XAB2: variants seen among roughly 807,000 people sequenced by gnomAD.
XAB2 encodes XPA binding protein 2, also known as pre-mRNA-splicing factor SYF1.
XAB2 carries 57 observed loss-of-function variants against 113.4 expected under a neutral mutation model. That is an observed-to-expected ratio of 0.50 (90% CI 0.41 to 0.63). The LOEUF (loss-of-function observed/expected upper bound fraction) is 0.63, where lower values mean the gene tolerates loss of function less well. Among genes scored for constraint, XAB2 ranks in the 20% least tolerant of loss-of-function variants. The probability of loss-of-function intolerance (pLI) is 0.00; values close to 1 mark genes in which losing one functional copy is unlikely to be tolerated. For synonymous variants in XAB2, 497 were observed against 498.8 expected (o/e 1.00, Z 0.05); for missense variants, 1,037 against 1,233.3 (o/e 0.84, Z 2.38).
Position 7,619,941 on chromosome 19 carries a change from C to T in XAB2, c.2396+5G>A, listed in dbSNP as rs1881843891. ...GTCCTGTCCCGTCCAAGGATCCGCC[C>T]TCACCTCACGAACAGGATCTTGCTC... On this transcript the variant is annotated splice_donor_5th_base_variant and intron_variant, in intron 17 of 18. Coordinates refer to ENST00000358368, the MANE Select transcript of XAB2 (RefSeq NM_020196.3). 4 of 1,610,806 alleles carry T rather than the reference C, an allele frequency of 2.5e-6. No individual in the cohort carries two copies. Among genetic ancestry groups the T allele is most frequent in the Non-Finnish European group, 8.5e-7 (1 of 1,179,918 alleles).
chr19:7,625,891 G>A lies in XAB2; in HGVS notation c.811C>T (p.His271Tyr), dbSNP rs2031128955. 6.2e-7 allele frequency: 1 copy of A among 1,605,688 alleles called. No homozygotes were observed. The highest frequency in any genetic ancestry group is 8.5e-7 in the Non-Finnish European group (1 of 1,174,074). ...GTGCCAGCATGCACCTTCTCGAAAT[G>A]GCCGCTGCGGATGTAGTAGTCGGCG... Reference protein sequence around the residue: ...SLADYYIRSGHFEKARDVYEE... With the variant: ...SLADYYIRSGYFEKARDVYEE... Residue 271 changes from histidine to tyrosine, a missense_variant, in exon 6 of 19, where the codon CAT becomes TAT. Coordinates refer to ENST00000358368, the MANE Select transcript of XAB2 (RefSeq NM_020196.3). The surrounding 1 kb of genome is among the most constrained non-coding windows in gnomAD (Gnocchi z 5.2).
rs952319285 is a variant in XAB2 at position 7,628,001 on chromosome 19, A to C, written c.200+149T>G. 6.8e-7 allele frequency: 1 copy of C among 1,465,514 alleles called. No individual in the cohort carries two copies. Among genetic ancestry groups the C allele is most frequent in the Non-Finnish European group, 9.2e-7 (1 of 1,086,604 alleles). The allele number at this position is 1,465,514 out of a possible 1,614,324, so 90.8% of individuals were successfully genotyped here. A position where few individuals can be genotyped will look rare whatever the true frequency, so the allele number is the denominator to read the frequency against. On this transcript the variant is annotated intron_variant, in intron 2 of 18. Transcript: ENST00000358368. This position sits in a 1 kb window ranked among gnomAD's most constrained non-coding sequence, Gnocchi z 4.6. ...TGACAGGGACAGACTGGGACATCAG[A>C]GAAGGTGTGCTGACCCATCAAGGGA... is the stretch of plus-strand genomic sequence containing the variant.
intron 12 of XAB2, 180 bp downstream of exon 12, chr19:7,622,151 G>A: frequency 1.6e-6 from 1 of 617,356 alleles, no homozygotes. Context: ...AACCAGCCCT[G>A]CCCATGCCTC....
chr19:7,622,274 A>T (rs4134854), intron 12 of XAB2, 57 bp downstream of exon 12: 1 of 1,523,654 alleles, frequency 6.6e-7, no homozygotes, highest in South Asian at 1.1e-5. Flanking sequence ...GTTGCTGAGG[A>T]CCCCTGGGGA....
rs376934578 is a variant in XAB2, at chr19:7,624,486, G to A, written c.823-41C>T. 297 of 1,612,462 alleles carry A rather than the reference G, an allele frequency of 1.8e-4. No homozygotes were observed. In the African/African-American group the frequency reaches 3.2e-3, roughly 17 times the overall value. On this transcript the variant is annotated intron_variant, in intron 6 of 18. Coordinates refer to ENST00000358368, the MANE Select transcript of XAB2 (RefSeq NM_020196.3). This position sits in a 1 kb window ranked among gnomAD's most constrained non-coding sequence, Gnocchi z 4.2. The stretch of plus-strand genomic sequence containing the variant: ...GAAGGGGAGGTGAGAGGAAAGTGGC[G>A]CAGGGGACAGGCAGCAGCACTCTTA...
In XAB2 at chr19:7,624,820, G is replaced by T. The variant is rs935628944; in HGVS notation, c.823-375C>A. ...CCCTCGCCTCAGCTCATCCTCCGAG[G>T]CCTCAGAATTTGCTCCAAAGCGTCC... On this transcript the variant is annotated intron_variant, in intron 6 of 18. Transcript: ENST00000358368. The surrounding 1 kb of genome is among the most constrained non-coding windows in gnomAD (Gnocchi z 4.2). Among the ~76,000 whole-genome samples the T allele has an allele frequency of 2.0e-5, 3 of 152,156 alleles. No individual in the cohort carries two copies. Among genetic ancestry groups the T allele is most frequent in the Non-Finnish European group, 2.9e-5 (2 of 68,020 alleles).
chr19:7,627,533 G>A lies in XAB2; in HGVS notation c.325-93C>T. 2.6e-6 allele frequency: 4 copies of A among 1,531,098 alleles called. No individual in the cohort carries two copies. Among genetic ancestry groups the A allele is most frequent in the East Asian group, 4.6e-5 (2 of 43,156 alleles). 94.8% of individuals were successfully genotyped at this position (1,531,098 alleles called of 1,614,324 possible). On this transcript the variant is annotated intron_variant, in intron 3 of 18. Transcript: ENST00000358368. This position sits in a 1 kb window ranked among gnomAD's most constrained non-coding sequence, Gnocchi z 4.5. The stretch of plus-strand genomic sequence containing the variant: ...TGTCCTGTGGCTGAGCCACACCTGG[G>A]GCCACCACATAAATGCGGCGGGACC...
At position 7,625,554 on chromosome 19, in the gene XAB2, C is replaced by T. The variant is rs1030055418; in HGVS notation, c.822+326G>A. On this transcript the variant is annotated intron_variant, in intron 6 of 18. Transcript: ENST00000358368. This position sits in a 1 kb window ranked among gnomAD's most constrained non-coding sequence, Gnocchi z 5.2. ...ACTTCCGTGGCGCGATCGCAGCTCA[C>T]GGCAACCTCCACCTCCCAAGTTCAA... 1.3e-5 allele frequency among the ~76,000 whole-genome samples: 2 copies of T among 149,902 alleles called. No homozygotes were observed. The highest frequency in any genetic ancestry group is 2.5e-5 in the African/African-American group (1 of 40,578).
Position 7,622,445 on chromosome 19 carries a change from C to T in XAB2, c.1504-1G>A. The T allele has an allele frequency of 1.2e-6, 2 of 1,614,166 alleles. No homozygotes were observed. The highest frequency in any genetic ancestry group is 1.7e-6 in the Non-Finnish European group (2 of 1,180,028). On this transcript the variant is annotated splice_acceptor_variant, in intron 11 of 18. Coordinates refer to ENST00000358368, the MANE Select transcript of XAB2 (RefSeq NM_020196.3). LOFTEE classifies it high-confidence loss of function. Reference sequence around the variant, plus strand: ...TGCGGTCGTACACGGCCTTGGTGGACTGCAGGGGTGGGGATGGGAAAGGTT... The same window carrying T: ...TGCGGTCGTACACGGCCTTGGTGGATTGCAGGGGTGGGGATGGGAAAGGTT...
Position 7,623,424 on chromosome 19 carries a change from G to A in XAB2, c.1120-135C>T. On this transcript the variant is annotated intron_variant, in intron 8 of 18. Coordinates refer to ENST00000358368, the MANE Select transcript of XAB2 (RefSeq NM_020196.3). This position sits in a 1 kb window ranked among gnomAD's most constrained non-coding sequence, Gnocchi z 4.6. ...CGGGAGAGGCCAGAAACGAACTATGGCCCTTGACAATGGTCAGGACCAAGA... is the reference window on the plus strand; with the variant it reads ...CGGGAGAGGCCAGAAACGAACTATGACCCTTGACAATGGTCAGGACCAAGA... The A allele has an allele frequency of 1.6e-6, 2 of 1,235,502 alleles. No individual in the cohort carries two copies. The highest frequency in any genetic ancestry group is 2.2e-6 in the Non-Finnish European group (2 of 889,012). The allele number at this position is 1,235,502 out of a possible 1,614,324, so 76.5% of individuals were successfully genotyped here.
rs758371805 is a variant in XAB2, at chr19:7,620,517, C to T, written c.2094+30G>A. On this transcript the variant is annotated intron_variant, in intron 15 of 18. Coordinates refer to ENST00000358368, the MANE Select transcript of XAB2 (RefSeq NM_020196.3). The stretch of plus-strand genomic sequence containing the variant: ...GGCTGACTCCGCCGCAGCCCCCAAC[C>T]CTGATACCCGTCCCTCCCCACAGCC... 1.2e-5 allele frequency: 19 copies of T among 1,612,756 alleles called. No homozygotes were observed. The Admixed American group carries it at 3.0e-4, about 25-fold the overall frequency.
chr19:7,621,310 GGAGAGTCACATGT>G lies in XAB2; in HGVS notation c.1618-26_1618-14del, dbSNP rs749458954. 212 of 1,611,318 alleles carry G rather than the reference GGAGAGTCACATGT, an allele frequency of 1.3e-4. No individual in the cohort carries two copies. The Middle Eastern group carries it at 5.3e-3, about 40-fold the overall frequency. On this transcript the variant is annotated splice_polypyrimidine_tract_variant and intron_variant, in intron 12 of 18. Transcript: ENST00000358368. Reference sequence around the variant, plus strand: ...CGCGCTCGTACGCCTGTTACCAGAGGGAGAGTCACATGTGAGAGTCTGCAGATAGAGACCACCA... The same window carrying G: ...CGCGCTCGTACGCCTGTTACCAGAGGGAGAGTCTGCAGATAGAGACCACCA...
chr19:7,623,258 G>A lies in XAB2; in HGVS notation c.1151C>T (p.Thr384Met), dbSNP rs369157151. 2.3e-5 allele frequency: 37 copies of A among 1,613,644 alleles called. No homozygotes were observed. Among genetic ancestry groups the A allele is most frequent in the Middle Eastern group, 3.3e-4 (2 of 6,084 alleles). Residue 384 changes from threonine to methionine, a missense_variant, in exon 9 of 19, where the codon ACG becomes ATG. Physicochemically the swap from Thr to Met is moderately conservative, Grantham distance 81. Coordinates refer to ENST00000358368, the MANE Select transcript of XAB2 (RefSeq NM_020196.3). This position sits in a 1 kb window ranked among gnomAD's most constrained non-coding sequence, Gnocchi z 4.6. Reference sequence around the variant, plus strand: ...GCCTGTGGCCTTGAAGGGGTCCACCGTCTGCACAGCCTCTGTGTAGGTGTT... The same window carrying A: ...GCCTGTGGCCTTGAAGGGGTCCACCATCTGCACAGCCTCTGTGTAGGTGTT... ...IINTYTEAVQ[T>M]VDPFKATGKP...
chr19:7,627,186 A>T lies in XAB2; in HGVS notation c.522+57T>A. 1 of 1,588,990 alleles carries T rather than the reference A, an allele frequency of 6.3e-7. No homozygotes were observed. The highest frequency in any genetic ancestry group is 8.6e-7 in the Non-Finnish European group (1 of 1,168,112). Reference sequence around the variant, plus strand: ...TGACATCCTACGCGGAGCTAGTGTCACAGTGAGGCCGTTTCTGGAAACTAA... The same window carrying T: ...TGACATCCTACGCGGAGCTAGTGTCTCAGTGAGGCCGTTTCTGGAAACTAA... On this transcript the variant is annotated intron_variant, in intron 4 of 18. Coordinates refer to ENST00000358368, the MANE Select transcript of XAB2 (RefSeq NM_020196.3). This position sits in a 1 kb window ranked among gnomAD's most constrained non-coding sequence, Gnocchi z 4.5.
intron 9 of XAB2, 104 bp from the exon 10 acceptor site, chr19:7,622,997 C>T: frequency 6.5e-7 from 1 of 1,544,608 alleles, no homozygotes; most frequent in Non-Finnish European, 8.7e-7. Flanking sequence ...CAGGCACAAA[C>T]ACACAGGCAC....
At chr19:7,626,917 C>T (rs1231949088) in intron 4 of XAB2, among the ~76,000 whole-genome samples, 4 of 152,200 alleles carry the variant, frequency 2.6e-5, no homozygotes, top group Non-Finnish European at 5.9e-5. Flanking sequence ...CTATTCCTGG[C>T]CCTCTTCATG....
At position 7,628,973 on chromosome 19, in the gene XAB2, G is replaced by GT. The variant is rs2146191013; in HGVS notation, c.51+503dup. On this transcript the variant is annotated intron_variant, in intron 1 of 18. Transcript: ENST00000358368. This position sits in a 1 kb window ranked among gnomAD's most constrained non-coding sequence, Gnocchi z 4.6. ...AGATGTCACGCCTCTACTCCAGAGA[G>GT]TAAGTATTTCACTGGCCATCGCCTG... Among the ~76,000 whole-genome samples, 1 of 152,290 alleles carries GT rather than the reference G, an allele frequency of 6.6e-6. No individual in the cohort carries two copies. Among genetic ancestry groups the GT allele is most frequent in the East Asian group, 1.9e-4 (1 of 5,194 alleles).
Position 7,621,283 on chromosome 19 carries a change from G to T in XAB2, c.1632C>A (p.Gly544=). The T allele has an allele frequency of 2.5e-6, 4 of 1,612,942 alleles. No homozygotes were observed. The highest frequency in any genetic ancestry group is 3.4e-6 in the Non-Finnish European group (4 of 1,179,958). The change falls in exon 13 of 19, where the codon GGC becomes GGA. Residue 544 remains glycine (G), a synonymous_variant. Coordinates refer to ENST00000358368, the MANE Select transcript of XAB2 (RefSeq NM_020196.3). ...CGTTGGGCCACTTGAACAGCGAGAT[G>T]CCGCGCTCGTACGCCTGTTACCAGA... The part of the protein sequence containing the change: ...FEESFKAYER[G]ISLFKWPNVS...
intron 1 of XAB2, among the ~76,000 whole-genome samples, 184 bp downstream of exon 1, chr19:7,629,293 C>A (rs1399858536): frequency 1.3e-5 from 2 of 152,214 alleles, no homozygotes; most frequent in Admixed American, 1.3e-4. Flanking sequence ...GATACAACAC[C>A]ATATTTTTAC....
Sources: gnomAD v4.1 joint callset for allele counts (sites outside exome capture counted in the v4.1 genomes callset) on GRCh38, gnomAD v4.1.1 for gene constraint, Gnocchi (gnomAD v3.1) non-coding constraint, MANE v1.5 for transcripts, NCBI Gene and HGNC (gene_info 2026-07-23, HGNC 2026-07-21) for gene names.